PARD3B: variants seen among roughly 807,000 people sequenced by gnomAD.
PARD3B encodes par-3 family cell polarity regulator beta.
In PARD3B, 103 loss-of-function variants were observed where a neutral mutation model predicts 130.2. The observed-to-expected ratio is 0.79, with a 90% CI of 0.67 to 0.93. The LOEUF (loss-of-function observed/expected upper bound fraction) is 0.93, where lower values mean the gene tolerates loss of function less well. Among genes scored for constraint, PARD3B ranks in the 40% least tolerant of loss-of-function variants. PARD3B has a pLI of 0.00. For synonymous variants in PARD3B, 583 were observed against 553.2 expected, an observed-to-expected ratio of 1.05 and a Z score of -0.76; for missense variants, 1,609 against 1,499.2, an observed-to-expected ratio of 1.07 and a Z score of -1.21.
In PARD3B at chr2:205,271,686, A is replaced by G. The variant is rs148188233; in HGVS notation, c.2185+25864A>G. Among the ~76,000 whole-genome samples the G allele has an allele frequency of 6.7e-3, 1,019 of 152,282 alleles. 13 individuals carry two copies. The highest frequency in any genetic ancestry group is 0.023 in the African/African-American group (956 of 41,552). ...CAGATCTTCATTATTATTGCCTAGT[A>G]TTTCCTTCAGGGGCCCCCAAATGTG... On this transcript the variant is annotated intron_variant, in intron 16 of 22. Transcript: ENST00000406610.
intron 16 of PARD3B, among the ~76,000 whole-genome samples, chr2:205,246,236 T>C (rs1056723407): frequency 3.7e-3 from 15 of 4,052 alleles, no homozygotes; most frequent in African/African-American, 0.017. Context: ...TAGGATTTTT[T>C]TTCTTTTTTT....
chr2:204,563,267 T>TCTCTCTCTC (rs1559158190), intron 1 of PARD3B, among the ~76,000 whole-genome samples: 12 of 59,304 alleles, frequency 2.0e-4, no homozygotes, highest in African/African-American at 5.1e-4. Context: ...CTCTCTCTCT[T>TCTCTCTCTC]TCTCTCTTCT....
intron 20 of PARD3B, among the ~76,000 whole-genome samples, chr2:205,447,822 C>T (rs1323956908): frequency 6.6e-6 from 1 of 152,182 alleles, no homozygotes; most frequent in East Asian, 1.9e-4. Flanking sequence ...CATGAGGCAT[C>T]CTTTTTCTTT....
At chr2:204,965,379 T>G in intron 3 of PARD3B, 56 bp downstream of exon 3, 1 of 1,512,626 alleles carries the variant, frequency 6.6e-7, no homozygotes, top group East Asian at 2.3e-5. Flanking sequence ...GTCATCTTGT[T>G]GATTAGGCAT....
chr2:205,211,370 C>G (rs2037624682), intron 15 of PARD3B, among the ~76,000 whole-genome samples: 1 of 152,032 alleles, frequency 6.6e-6, no homozygotes, highest in Non-Finnish European at 1.5e-5. Context: ...TCCCTCCTTC[C>G]TTCATTCATC....
chr2:205,548,382 C>T lies in PARD3B; in HGVS notation c.3181-4942C>T, dbSNP rs73060145. Among the ~76,000 whole-genome samples the T allele has an allele frequency of 5.6e-3, 857 of 152,200 alleles. 6 individuals carry two copies. Among genetic ancestry groups the T allele is most frequent in the African/African-American group, 0.019 (809 of 41,526 alleles). On this transcript the variant is annotated intron_variant, in intron 21 of 22. Coordinates refer to ENST00000406610, the MANE Select transcript of PARD3B (RefSeq NM_001302769.2). ...AGTTTAACATGTCTAGATATTCCCTCCTCCCACCTCTACTCCAAAATCTGT... is the reference window on the plus strand; with the variant it reads ...AGTTTAACATGTCTAGATATTCCCTTCTCCCACCTCTACTCCAAAATCTGT...
chr2:205,354,762 T>C (rs77281816), intron 18 of PARD3B, among the ~76,000 whole-genome samples: 2,998 of 152,266 alleles, frequency 0.02, 96 homozygotes, highest in African/African-American at 0.063. Flanking sequence ...CAGGGATCTT[T>C]CCAGAGCATT....
At chr2:205,179,380 G>A (rs1305119836) in intron 13 of PARD3B, among the ~76,000 whole-genome samples, 1 of 152,078 alleles carries the variant, frequency 6.6e-6, no homozygotes, top group Non-Finnish European at 1.5e-5. Context: ...AGTGTTTTAG[G>A]CCTTCAGATT....
At chr2:204,617,639 G>T (rs192587871) in intron 1 of PARD3B, among the ~76,000 whole-genome samples, 2 of 152,100 alleles carry the variant, frequency 1.3e-5, no homozygotes, top group African/African-American at 2.4e-5. Flanking sequence ...GCAGGGGTTT[G>T]GTGTACAGAC....
At chr2:205,177,697 A>G (rs995026868) in intron 13 of PARD3B, among the ~76,000 whole-genome samples, 1 of 152,108 alleles carries the variant, frequency 6.6e-6, no homozygotes. Flanking sequence ...TGTTTTTTCC[A>G]CAGAATTCCT....
chr2:204,567,335 A>G (rs2031735035), intron 1 of PARD3B, among the ~76,000 whole-genome samples: 1 of 152,004 alleles, frequency 6.6e-6, no homozygotes, highest in South Asian at 2.1e-4. Context: ...TCATCTTCCC[A>G]AACTGAAACT....
chr2:204,735,491 C>T (rs1394934426), intron 2 of PARD3B, among the ~76,000 whole-genome samples: 1 of 152,048 alleles, frequency 6.6e-6, no homozygotes, highest in Non-Finnish European at 1.5e-5. Flanking sequence ...GTAGAACATT[C>T]TACAAGGCAA....
chr2:204,670,861 C>T (rs1454703663), intron 1 of PARD3B, among the ~76,000 whole-genome samples: 4 of 151,968 alleles, frequency 2.6e-5, no homozygotes, highest in South Asian at 4.2e-4. Context: ...GCTTTTTTTC[C>T]GTTCTTTTTA....
Position 205,441,912 on chromosome 2 carries a change from A to G in PARD3B, c.3044+1240A>G, listed in dbSNP as rs1575032792. 2.0e-5 allele frequency among the ~76,000 whole-genome samples: 3 copies of G among 152,348 alleles called. No homozygotes were observed. In the East Asian group the frequency reaches 5.8e-4, roughly 29 times the overall value. ...GGACAAAATGAAAATATAAATTTTT[A>G]TGACTGTGATATAGCCATAATAACT... On this transcript the variant is annotated intron_variant, in intron 20 of 22. Transcript: ENST00000406610.
chr2:204,989,709 T>A (rs1209104970), intron 3 of PARD3B, among the ~76,000 whole-genome samples: 1 of 152,196 alleles, frequency 6.6e-6, no homozygotes, highest in African/African-American at 2.4e-5. Flanking sequence ...AATGGAAGTA[T>A]ACTGAAAATT....
intron 21 of PARD3B, among the ~76,000 whole-genome samples, chr2:205,509,132 G>A (rs2050491734): frequency 6.6e-6 from 1 of 152,062 alleles, no homozygotes; most frequent in South Asian, 2.1e-4. Context: ...GAAGCAACAT[G>A]TTTACAGGCA....
intron 2 of PARD3B, among the ~76,000 whole-genome samples, chr2:204,794,817 G>T (rs1055167185): frequency 4.6e-5 from 7 of 152,144 alleles, no homozygotes; most frequent in African/African-American, 1.7e-4. Context: ...AAAATATATT[G>T]CGACACTGAG....
chr2:204,631,401 C>T (rs1160298600), intron 1 of PARD3B, among the ~76,000 whole-genome samples: 10 of 152,090 alleles, frequency 6.6e-5, no homozygotes, highest in African/African-American at 1.7e-4. Flanking sequence ...AGGCATGCAC[C>T]ACCATGCCCA....
chr2:204,902,073 A>G (rs2046879820), intron 2 of PARD3B, among the ~76,000 whole-genome samples: 1 of 152,140 alleles, frequency 6.6e-6, no homozygotes. Context: ...TGGTGGTGCA[A>G]GTACTCCCTT....
Sources: gnomAD v4.1 joint callset for allele counts (sites outside exome capture counted in the v4.1 genomes callset) on GRCh38, gnomAD v4.1.1 for gene constraint, MANE v1.5 for transcripts, NCBI Gene and HGNC (gene_info 2026-07-23, HGNC 2026-07-21) for gene names.